NXPE2: variants seen among roughly 807,000 people sequenced by gnomAD.
NXPE2 encodes NXPE family member 2.
NXPE2 carries 34 observed loss-of-function variants against 34.4 expected under a neutral mutation model. That is an observed-to-expected ratio of 0.99 (90% CI 0.75 to 1.31). The LOEUF (loss-of-function observed/expected upper bound fraction) is 1.31, where lower values mean the gene tolerates loss of function less well. NXPE2 is among the 40% of genes most tolerant of loss of function. The pLI is 0.00. For synonymous variants in NXPE2, 235 were observed against 231.3 expected (o/e 1.02, Z -0.15); for missense variants, 649 against 672.5 (o/e 0.97, Z 0.39).
chr11:114,715,269 A>G, the NXPE2 span, among the ~76,000 whole-genome samples: 1 of 152,232 alleles, frequency 6.6e-6, no homozygotes, highest in Non-Finnish European at 1.5e-5. Flanking sequence ...AAATAGACTA[A>G]TGATCCAATA....
At chr11:114,756,136 A>T in the NXPE2 span, among the ~76,000 whole-genome samples, 4 of 152,086 alleles carry the variant, frequency 2.6e-5, no homozygotes, top group Non-Finnish European at 5.9e-5. Flanking sequence ...GGGCCCATTA[A>T]GTGGTTTTCT....
chr11:114,658,023 G>A, the NXPE2 span, among the ~76,000 whole-genome samples: 1 of 152,162 alleles, frequency 6.6e-6, no homozygotes, highest in Non-Finnish European at 1.5e-5. Flanking sequence ...CCTGGTCTAA[G>A]GACCTTGTCT....
chr11:114,672,019 A>G, the NXPE2 span, among the ~76,000 whole-genome samples: 1 of 152,000 alleles, frequency 6.6e-6, no homozygotes, highest in African/African-American at 2.4e-5. Context: ...GGCAAAAGGG[A>G]AGCAAGCACA....
chr11:114,478,616 G>A, the NXPE2 span, among the ~76,000 whole-genome samples: 2 of 152,144 alleles, frequency 1.3e-5, no homozygotes, highest in Non-Finnish European at 2.9e-5. Context: ...GGAGACTAGA[G>A]AAGAGTCTCC....
At chr11:114,621,680 G>T in the NXPE2 span, among the ~76,000 whole-genome samples, 3 of 152,140 alleles carry the variant, frequency 2.0e-5, no homozygotes, top group Non-Finnish European at 4.4e-5. Flanking sequence ...AATAAGTGAT[G>T]CCTCATTGGT....
chr11:114,629,732 T>C, the NXPE2 span, among the ~76,000 whole-genome samples: 1 of 151,636 alleles, frequency 6.6e-6, no homozygotes, highest in Admixed American at 6.6e-5. Context: ...AGTCAAATTG[T>C]CCCTGTTTGC....
the NXPE2 span, chr11:114,584,331 G>A: frequency 7.5e-5 from 36 of 480,508 alleles, no homozygotes; most frequent in Middle Eastern, 3.7e-3. Flanking sequence ...ATGAGTACCT[G>A]GAGAAGATTA....
At chr11:114,515,129 G>C in the NXPE2 span, among the ~76,000 whole-genome samples, 1 of 151,792 alleles carries the variant, frequency 6.6e-6, no homozygotes. Context: ...TTCAGTACTT[G>C]TCATTATTCT....
chr11:114,663,032 C>T, the NXPE2 span, among the ~76,000 whole-genome samples: 1 of 152,162 alleles, frequency 6.6e-6, no homozygotes, highest in Admixed American at 6.6e-5. Context: ...TCTTATACGG[C>T]ATTTCTGGTC....
the NXPE2 span, chr11:114,553,945 C>G: frequency 1.0e-6 from 1 of 985,336 alleles, no homozygotes; most frequent in Non-Finnish European, 1.2e-6. Context: ...TCTGGGAGAG[C>G]AGGTTTGTCA....
the NXPE2 span, among the ~76,000 whole-genome samples, chr11:114,577,060 T>C: frequency 0.094 from 4,498 of 48,032 alleles, 437 homozygotes; most frequent in African/African-American, 0.35. Flanking sequence ...TATATATACA[T>C]ATATATATAT....
the NXPE2 span, among the ~76,000 whole-genome samples, chr11:114,787,124 T>C: frequency 6.6e-6 from 1 of 151,720 alleles, no homozygotes; most frequent in Non-Finnish European, 1.5e-5. Flanking sequence ...TTCCCGGAGC[T>C]CCCTCTGACA....
At chr11:114,551,238 T>A in the NXPE2 span, 2 of 1,410,130 alleles carry the variant, frequency 1.4e-6, no homozygotes, top group Non-Finnish European at 1.9e-6. Flanking sequence ...AAGAGAGGAG[T>A]CGTGAGAAGT....
chr11:114,745,749 T>C, the NXPE2 span, among the ~76,000 whole-genome samples: 1 of 151,996 alleles, frequency 6.6e-6, no homozygotes, highest in East Asian at 1.9e-4. Flanking sequence ...AAAAACTAGA[T>C]ATGAAAAAGT....
the NXPE2 span, among the ~76,000 whole-genome samples, chr11:114,499,080 G>C: frequency 6.6e-6 from 1 of 152,234 alleles, no homozygotes; most frequent in South Asian, 2.1e-4. Flanking sequence ...TTGATATCCA[G>C]ATGAACTGTT....
chr11:114,531,307 G>A, the NXPE2 span, among the ~76,000 whole-genome samples: 1 of 151,972 alleles, frequency 6.6e-6, no homozygotes, highest in South Asian at 2.1e-4. Context: ...TTTCATATAT[G>A]CCTTACATCC....
the NXPE2 span, among the ~76,000 whole-genome samples, chr11:114,485,325 C>T: frequency 4.6e-5 from 7 of 151,352 alleles, no homozygotes; most frequent in African/African-American, 1.7e-4. Context: ...TCTCCTGCCT[C>T]AGCTTCCTGA....
chr11:114,735,936 A>T, the NXPE2 span, among the ~76,000 whole-genome samples: 1 of 152,274 alleles, frequency 6.6e-6, no homozygotes, highest in South Asian at 2.1e-4. Context: ...AAATAAAGGG[A>T]CAGAGTACAA....
the NXPE2 span, chr11:114,583,497 A>G: frequency 3.2e-6 from 2 of 628,474 alleles, no homozygotes; most frequent in Non-Finnish European, 6.2e-6. Context: ...ATCTATCCAG[A>G]TTACGTGTCT....
Sources: allele counts gnomAD v4.1 joint callset (sites outside exome capture counted in the v4.1 genomes callset), GRCh38; gene constraint gnomAD v4.1.1; transcripts MANE v1.5; gene names NCBI Gene and HGNC (gene_info 2026-07-23, HGNC 2026-07-21).